The following PIAS2 variants were observed in gnomAD, a reference collection of about 807,000 sequenced individuals.
The protein encoded by PIAS2 is E3 SUMO-protein ligase PIAS2.
Under a neutral mutation model 69.7 loss-of-function variants are expected in PIAS2, and 19 were observed. The ratio of observed to expected loss-of-function variants is 0.27; its 90% CI spans 0.19 to 0.40. The LOEUF (loss-of-function observed/expected upper bound fraction) is 0.40. Ranked by LOEUF, PIAS2 falls within the 10% of genes least tolerant of loss-of-function variation. PIAS2 has a pLI of 1.00. For missense variants in PIAS2, 624 were observed against 757.0 expected (o/e 0.82, Z 2.06); for synonymous variants, 261 against 263.2 (o/e 0.99, Z 0.08).
At chr18:46,886,069 T>C (rs1264271799) in intron 2 of PIAS2, among the ~76,000 whole-genome samples, 2 of 152,344 alleles carry the variant, frequency 1.3e-5, no homozygotes, top group East Asian at 1.9e-4. Flanking sequence ...TGTCTCCCTC[T>C]TGGAGTACCA....
chr18:46,872,767 T>C (rs2050562279), intron 2 of PIAS2, among the ~76,000 whole-genome samples: 1 of 152,216 alleles, frequency 6.6e-6, no homozygotes, highest in South Asian at 2.1e-4. Flanking sequence ...TGGGATTAGT[T>C]GGGTATTGCT....
intron 2 of PIAS2, among the ~76,000 whole-genome samples, chr18:46,880,936 A>G (rs1296867012): frequency 2.6e-5 from 4 of 152,238 alleles, no homozygotes; most frequent in Admixed American, 1.3e-4. Flanking sequence ...CCCATTATAT[A>G]CAGCAAAGTT....
chr18:46,914,904 G>A (rs2057648353), intron 1 of PIAS2: 1 of 151,984 alleles, frequency 6.6e-6, no homozygotes, highest in South Asian at 2.1e-4. Flanking sequence ...TCTGATCCAA[G>A]GACCATCATT....
chr18:46,911,493 G>C (rs1340679849), intron 1 of PIAS2, among the ~76,000 whole-genome samples: 1 of 152,244 alleles, frequency 6.6e-6, no homozygotes, highest in East Asian at 1.9e-4. Flanking sequence ...TGGGCTTACA[G>C]ACGTGAGCCA....
chr18:46,919,007 A>ATATG (rs550181494), upstream of PIAS2, among the ~76,000 whole-genome samples: 1,411 of 143,256 alleles, frequency 9.8e-3, 9 homozygotes, highest in Middle Eastern at 0.025. Flanking sequence ...ATATATATAT[A>ATATG]TGTGTGTGTG....
intron 2 of PIAS2, among the ~76,000 whole-genome samples, chr18:46,888,571 T>TC (rs35512973): frequency 0.077 from 11,684 of 152,204 alleles, 485 homozygotes; most frequent in African/African-American, 0.1. Context: ...AAATCAACAG[T>TC]CACAACCTTT....
chr18:46,815,505 G>A (rs2144725032), intron 12 of PIAS2, 156 bp from the exon 13 acceptor site: 1 of 985,090 alleles, frequency 1.0e-6, no homozygotes, highest in Non-Finnish European at 1.2e-6. Flanking sequence ...GATATTTGAA[G>A]TGTTTAAAAC....
intron 2 of PIAS2, among the ~76,000 whole-genome samples, chr18:46,867,478 G>A (rs1568611916): frequency 1.3e-5 from 2 of 152,176 alleles, no homozygotes; most frequent in Non-Finnish European, 2.9e-5. Context: ...CCATGAGAAA[G>A]AATGCAGGAT....
intron 8 of PIAS2, among the ~76,000 whole-genome samples, chr18:46,841,539 T>G (rs1054572276): frequency 1.3e-5 from 2 of 152,216 alleles, no homozygotes; most frequent in South Asian, 4.1e-4. Flanking sequence ...CTGTCATCCA[T>G]CCACCAAATC....
chr18:46,845,732 A>C (rs893218599), intron 6 of PIAS2, among the ~76,000 whole-genome samples: 2 of 152,136 alleles, frequency 1.3e-5, no homozygotes, highest in Admixed American at 1.3e-4. Flanking sequence ...AAGTATTTTA[A>C]ATATTTTTTA....
chr18:46,913,758 A>G (rs1211032935), intron 1 of PIAS2, among the ~76,000 whole-genome samples: 2 of 152,200 alleles, frequency 1.3e-5, no homozygotes, highest in African/African-American at 4.8e-5. Context: ...GAGGTAAGTG[A>G]TTCCAGAAAC....
In PIAS2 at chr18:46,911,436, T is replaced by A. The variant is rs8091984; in HGVS notation, c.24+5886A>T. Among the ~76,000 whole-genome samples, 959 of 151,802 alleles carry A rather than the reference T, an allele frequency of 6.3e-3. 7 individuals carry two copies. Among genetic ancestry groups the A allele is most frequent in the African/African-American group, 0.022 (901 of 41,418 alleles). ...TCACCATGTTAGCCAGGCTGGTCTC[T>A]AACTCCTGACCTGAGGCGATCCGCC... On this transcript the variant is annotated intron_variant, in intron 1 of 13. Transcript: ENST00000585916.
At position 46,828,048 on chromosome 18, in the gene PIAS2, T is replaced by C. The variant is rs967780428; in HGVS notation, c.1419A>G (p.Thr473=). 6 of 1,613,792 alleles carry C rather than the reference T, an allele frequency of 3.7e-6. No individual in the cohort carries two copies. Among genetic ancestry groups the C allele is most frequent in the Non-Finnish European group, 5.1e-6 (6 of 1,179,870 alleles). Residue 473 remains threonine (T), a synonymous_variant, in exon 11 of 14, where the codon ACA becomes ACG. Transcript: ENST00000585916. Reference sequence around the variant, plus strand: ...CCTCTTCGTCAGAAGAGCTTTCTATTGTAAGATCAATAACATCTACTTTCT... The same window carrying C: ...CCTCTTCGTCAGAAGAGCTTTCTATCGTAAGATCAATAACATCTACTTTCT... ...SKKKVDVIDL[T]IESSSDEEED...
Position 46,804,996 on chromosome 18 carries a change from G to A in PIAS2, c.*7437C>T, listed in dbSNP as rs1416797026. 1.3e-5 allele frequency: 2 copies of A among 152,246 alleles called. No homozygotes were observed. Among genetic ancestry groups the A allele is most frequent in the South Asian group, 4.1e-4 (2 of 4,834 alleles). The allele number at this position is 152,246 out of a possible 1,614,324, so 9.4% of individuals were successfully genotyped here. ...AGACCAGAGTCAGTTGGCCTTAAAG[G>A]CCTACCTCATTCTCTGAAACTGGAA... On this transcript the variant is annotated 3_prime_UTR_variant, in exon 14 of 14. Transcript: ENST00000585916.
At chr18:46,861,663 G>A (rs2048680298) in intron 3 of PIAS2, among the ~76,000 whole-genome samples, 1 of 152,058 alleles carries the variant, frequency 6.6e-6, no homozygotes, top group Admixed American at 6.6e-5. Context: ...ATCTAATCAT[G>A]GTAAAACATC....
At position 46,890,573 on chromosome 18, in the gene PIAS2, C is replaced by G; in HGVS notation, c.499+7G>C. ...GTTCAGAAGAAACTGAATTCTCAAA[C>G]ACTTACCTAAACTCGTGGGCTTGAT... On this transcript the variant is annotated splice_region_variant and intron_variant, in intron 2 of 13. Coordinates refer to ENST00000585916, the MANE Select transcript of PIAS2 (RefSeq NM_004671.5). 6.4e-7 allele frequency: 1 copy of G among 1,566,200 alleles called. No individual in the cohort carries two copies. The highest frequency in any genetic ancestry group is 1.1e-5 in the South Asian group (1 of 88,970).
chr18:46,903,790 A>G (rs1174579394), intron 1 of PIAS2, among the ~76,000 whole-genome samples: 2 of 152,338 alleles, frequency 1.3e-5, no homozygotes, highest in East Asian at 3.9e-4. Context: ...TTTATTCATA[A>G]TTATCAAAAA....
intron 3 of PIAS2, among the ~76,000 whole-genome samples, chr18:46,856,152 C>G (rs928874802): frequency 6.6e-6 from 1 of 151,462 alleles, no homozygotes; most frequent in African/African-American, 2.4e-5. Context: ...ACTACAGGCG[C>G]CCGCCACCAC....
chr18:46,890,788 G>A lies in PIAS2; in HGVS notation c.291C>T (p.Ala97=), dbSNP rs559762628. Residue 97 remains alanine (A), a synonymous_variant, in exon 2 of 14, where the codon GCC becomes GCT. Transcript: ENST00000585916. ...AAGGCAACGAGTGGATTCCAGCCAC[G>A]GCCAAGTCAGGTTCTACAGGTGATG... ...GGSSPVEPDL[A]VAGIHSLPST... 14 of 1,614,128 alleles carry A rather than the reference G, an allele frequency of 8.7e-6. No individual in the cohort carries two copies. Among genetic ancestry groups the A allele is most frequent in the East Asian group, 6.7e-5 (3 of 44,880 alleles).
Sources: gnomAD v4.1 joint callset for allele counts (sites outside exome capture counted in the v4.1 genomes callset) on GRCh38, gnomAD v4.1.1 for gene constraint, MANE v1.5 for transcripts, NCBI Gene and HGNC (gene_info 2026-07-23, HGNC 2026-07-21) for gene names.